ITGB1: variants seen among roughly 807,000 people sequenced by gnomAD.
The protein encoded by ITGB1 is integrin subunit beta 1.
In ITGB1, 24 loss-of-function variants were observed where a neutral mutation model predicts 86.5. That is an observed-to-expected ratio of 0.28 (90% confidence interval 0.20 to 0.39). The LOEUF (loss-of-function observed/expected upper bound fraction) is 0.39, where lower values mean the gene tolerates loss of function less well. Ranked by LOEUF, ITGB1 falls within the 10% of genes least tolerant of loss-of-function variation. The probability of loss-of-function intolerance (pLI) is 1.00; values close to 1 mark genes in which losing one functional copy is unlikely to be tolerated. For synonymous variants in ITGB1, 323 were observed against 316.8 expected (o/e 1.02, Z -0.21); for missense variants, 556 against 946.9 (o/e 0.59, Z 5.42).
chr10:32,957,027 TCA>T (rs2095053738), intron 1 of ITGB1, among the ~76,000 whole-genome samples: 2 of 152,190 alleles, frequency 1.3e-5, no homozygotes, highest in African/African-American at 4.8e-5. Context: ...TCCCTGTGCC[TCA>T]GTTTCTTCAC....
At chr10:32,949,234 A>T (rs763155365) in intron 1 of ITGB1, among the ~76,000 whole-genome samples, 29 of 152,332 alleles carry the variant, frequency 1.9e-4, no homozygotes, top group South Asian at 4.1e-4. Flanking sequence ...AGATGAGGAA[A>T]CAAAACCAGA....
intron 15 of ITGB1, chr10:32,907,179 AG>A: frequency 1.1e-6 from 1 of 938,196 alleles, no homozygotes; most frequent in South Asian, 1.3e-5. Context: ...TGATTTCATC[AG>A]AAAAAAAAAA....
chr10:32,908,805 G>A (rs929823065), intron 14 of ITGB1, among the ~76,000 whole-genome samples: 1 of 152,136 alleles, frequency 6.6e-6, no homozygotes, highest in Non-Finnish European at 1.5e-5. Context: ...GAAAAAGCAT[G>A]AAAAACTTAC....
intron 4 of ITGB1, among the ~76,000 whole-genome samples, chr10:32,929,148 T>C (rs10763902): frequency 0.23 from 35,506 of 152,046 alleles, 4,855 homozygotes; most frequent in East Asian, 0.41. Flanking sequence ...AGTGGTATCA[T>C]TGATCAAGGA....
intron 1 of ITGB1, among the ~76,000 whole-genome samples, chr10:32,954,307 C>T (rs1411620669): frequency 2.0e-5 from 3 of 152,052 alleles, no homozygotes; most frequent in African/African-American, 7.2e-5. Context: ...CCTCAGTGAA[C>T]AGCACCTCCT....
chr10:32,930,593 T>C (rs1230354174), intron 3 of ITGB1, among the ~76,000 whole-genome samples: 1 of 152,150 alleles, frequency 6.6e-6, no homozygotes, highest in East Asian at 1.9e-4. Context: ...CCCACAGGTT[T>C]GAAAAAACTT....
rs1259153059 is a variant in ITGB1, at chr10:32,901,450, G to A, written c.*120C>T. The A allele has an allele frequency of 1.5e-6, 1 of 645,634 alleles. No individual in the cohort carries two copies. Among genetic ancestry groups the A allele is most frequent in the East Asian group, 2.8e-5 (1 of 35,780 alleles). The allele number at this position is 645,634 out of a possible 1,614,324, so 40.0% of individuals were successfully genotyped here. On this transcript the variant is annotated 3_prime_UTR_variant, in exon 16 of 16. Transcript: ENST00000302278. ...AAACATTTTAAAAATTATACATATT[G>A]TACATTTTCAAAACCTGCACATGAG...
At chr10:32,911,693 T>C (rs1446522915) in intron 12 of ITGB1, 23 bp from the exon 13 acceptor site, 1 of 1,607,362 alleles carries the variant, frequency 6.2e-7, no homozygotes, top group Admixed American at 1.7e-5. Context: ...ATATCATTTC[T>C]CAAAATGGTA....
At chr10:32,919,759 C>G (rs1342145346) in intron 11 of ITGB1, 126 bp downstream of exon 11, 7 of 720,498 alleles carry the variant, frequency 9.7e-6, no homozygotes, top group Admixed American at 2.4e-5. Context: ...TTGTGGTGAG[C>G]AACCGTGGTT....
rs35757367 is a variant in ITGB1 at position 32,946,749 on chromosome 10, TGGGGGGG to T, written c.1-11198_1-11192del. On this transcript the variant is annotated intron_variant, in intron 1 of 15. Transcript: ENST00000302278. ...CCAATAAGTGGTTTGTATGTATTTC[TGGGGGGG>T]GGGGGGGGATTATTTTCCTTTTCTG... Among the ~76,000 whole-genome samples the T allele has an allele frequency of 8.0e-5, 2 of 25,112 alleles. 1 individual carries two copies. The highest frequency in any genetic ancestry group is 1.5e-4 in the Non-Finnish European group (2 of 13,778). The allele number at this position is 25,112 out of a possible 152,430, so 16.5% of individuals were successfully genotyped here. A position where few individuals can be genotyped will look rare whatever the true frequency, so the allele number is the denominator to read the frequency against.
intron 6 of ITGB1, among the ~76,000 whole-genome samples, chr10:32,924,751 C>T (rs1459834914): frequency 4.6e-5 from 7 of 152,134 alleles, no homozygotes; most frequent in African/African-American, 9.7e-5. Context: ...CTACTTGCTT[C>T]GGCTATAACA....
rs200027422 is a variant in ITGB1 at position 32,900,349 on chromosome 10, A to C, written c.*1221T>G. Reference sequence around the variant, plus strand: ...TCCTCAACTTCTTTAATCTATAAAAATTTCATGCACACAACCTGATAAAAT... The same window carrying C: ...TCCTCAACTTCTTTAATCTATAAAACTTTCATGCACACAACCTGATAAAAT... On this transcript the variant is annotated 3_prime_UTR_variant, in exon 16 of 16. Transcript: ENST00000302278. 1.3e-5 allele frequency: 2 copies of C among 152,616 alleles called. No individual in the cohort carries two copies. The highest frequency in any genetic ancestry group is 4.8e-5 in the African/African-American group (2 of 41,466). The allele number at this position is 152,616 out of a possible 1,614,324, so 9.5% of individuals were successfully genotyped here.
chr10:32,929,594 C>A (rs1282046712), intron 4 of ITGB1, among the ~76,000 whole-genome samples: 1 of 152,150 alleles, frequency 6.6e-6, no homozygotes, highest in Non-Finnish European at 1.5e-5. Flanking sequence ...GAATCTTTAA[C>A]AAAATTTACT....
intron 15 of ITGB1, 54 bp from the exon 16 acceptor site, chr10:32,901,689 A>C (rs1476681851): frequency 7.0e-6 from 8 of 1,145,918 alleles, no homozygotes; most frequent in African/African-American, 1.5e-5. Flanking sequence ...AAAATTATGT[A>C]GAATAATTTT....
chr10:32,957,340 G>A (rs1371643743), intron 1 of ITGB1, among the ~76,000 whole-genome samples: 1 of 152,188 alleles, frequency 6.6e-6, no homozygotes, highest in Non-Finnish European at 1.5e-5. Context: ...CCTAAGAAAT[G>A]ACACGCGGTA....
Position 32,926,126 on chromosome 10 carries a change from G to A in ITGB1, c.548-17C>T, listed in dbSNP as rs200787135. 5.8e-6 allele frequency: 9 copies of A among 1,548,766 alleles called. No individual in the cohort carries two copies. The African/African-American group carries it at 6.8e-5, about 12-fold the overall frequency. ...AGCCAAATCCTGCCAAGAAAAAAAT[G>A]GTACATAAATGAATGAATGGATGGA... On this transcript the variant is annotated splice_polypyrimidine_tract_variant and intron_variant, in intron 5 of 15. Coordinates refer to ENST00000302278, the MANE Select transcript of ITGB1 (RefSeq NM_002211.4).
rs983991472 is a variant in ITGB1, at chr10:32,922,535, G to C, written c.1038+105C>G. On this transcript the variant is annotated intron_variant, in intron 8 of 15. Coordinates refer to ENST00000302278, the MANE Select transcript of ITGB1 (RefSeq NM_002211.4). ...AATATAAACCACTTTTGTAAAATTCGGTTTGCCTATCTGGTGGCATTTTCC... is the reference window on the plus strand; with the variant it reads ...AATATAAACCACTTTTGTAAAATTCCGTTTGCCTATCTGGTGGCATTTTCC... The C allele has an allele frequency of 1.0e-5, 8 of 789,658 alleles. No homozygotes were observed. The Admixed American group carries it at 2.0e-4, about 20-fold the overall frequency. The allele number at this position is 789,658 out of a possible 1,614,324, so 48.9% of individuals were successfully genotyped here.
chr10:32,954,811 T>C (rs2095049245), intron 1 of ITGB1, among the ~76,000 whole-genome samples: 1 of 152,192 alleles, frequency 6.6e-6, no homozygotes, highest in Non-Finnish European at 1.5e-5. Context: ...TTTCATGAGG[T>C]GATATGCACA....
At chr10:32,925,079 C>T (rs1277791300) in intron 6 of ITGB1, among the ~76,000 whole-genome samples, 1 of 152,026 alleles carries the variant, frequency 6.6e-6, no homozygotes, top group African/African-American at 2.4e-5. Flanking sequence ...ACTAAGAGGC[C>T]TCTAAAATCA....
Sources: allele counts gnomAD v4.1 joint callset (sites outside exome capture counted in the v4.1 genomes callset), GRCh38; gene constraint gnomAD v4.1.1; transcripts MANE v1.5; gene names NCBI Gene and HGNC (gene_info 2026-07-23, HGNC 2026-07-21).